Variants in RALGAPB observed in about 807,000 individuals in gnomAD.
RALGAPB encodes the protein Ral GTPase activating protein non-catalytic subunit beta, also known as ral GTPase-activating protein subunit beta.
A neutral mutation model predicts 161.1 loss-of-function variants in RALGAPB; 25 were observed. That is an observed-to-expected ratio of 0.16 (90% CI 0.11 to 0.22). The LOEUF (loss-of-function observed/expected upper bound fraction) is 0.22. Among genes scored for constraint, RALGAPB ranks in the 10% least tolerant of loss-of-function variants. The pLI, the probability that RALGAPB is intolerant of heterozygous loss-of-function variation, is 1.00. For synonymous variants in RALGAPB, 629 were observed against 626.1 expected (o/e 1.00, Z -0.07); for missense variants, 1,391 against 1,815.2 (o/e 0.77, Z 4.25).
intron 28 of RALGAPB, among the ~76,000 whole-genome samples, chr20:38,573,002 A>G (rs1054102586): frequency 1.3e-5 from 2 of 152,160 alleles, no homozygotes; most frequent in South Asian, 4.1e-4. Context: ...GAGACTATAG[A>G]ATAGTCATGA....
At chr20:38,486,508 A>AG (rs1175044216) in intron 1 of RALGAPB, among the ~76,000 whole-genome samples, 4 of 152,178 alleles carry the variant, frequency 2.6e-5, no homozygotes, top group Non-Finnish European at 4.4e-5. Flanking sequence ...CTCAGGCCCC[A>AG]GCTCAGACCT....
intron 13 of RALGAPB, 97 bp downstream of exon 13, chr20:38,526,139 A>G (rs2086460077): frequency 2.3e-6 from 3 of 1,324,290 alleles, no homozygotes; most frequent in African/African-American, 1.5e-5. Flanking sequence ...CCTAAACCTA[A>G]TGTAGCTCTA....
chr20:38,554,160 G>C, intron 22 of RALGAPB, 84 bp downstream of exon 22: 1 of 1,176,196 alleles, frequency 8.5e-7, no homozygotes, highest in Non-Finnish European at 1.2e-6. Context: ...TATCAGGATA[G>C]AAGCGAATTA....
chr20:38,533,609 C>T (rs984987358), intron 15 of RALGAPB, among the ~76,000 whole-genome samples: 11 of 152,022 alleles, frequency 7.2e-5, no homozygotes, highest in Non-Finnish European at 1.6e-4. Flanking sequence ...TGTCATGAGC[C>T]ATGTTCATGA....
rs748404472 is a variant in RALGAPB, at chr20:38,508,855, G to A, written c.741-222G>A. On this transcript the variant is annotated intron_variant, in intron 5 of 29. Coordinates refer to ENST00000262879, the MANE Select transcript of RALGAPB (RefSeq NM_020336.4). ...GTTTTGATATATATATAAAAAATGT[G>A]TAGTGATTGATCAGAGTAATTAGCA... Among the ~76,000 whole-genome samples the A allele has an allele frequency of 3.3e-5, 5 of 152,122 alleles. No individual in the cohort carries two copies. The East Asian group carries it at 5.8e-4, about 18-fold the overall frequency.
intron 1 of RALGAPB, among the ~76,000 whole-genome samples, chr20:38,481,972 C>G (rs573849138): frequency 1.3e-5 from 2 of 151,930 alleles, no homozygotes; most frequent in East Asian, 1.9e-4. Context: ...AGTTGACTCT[C>G]GTACATCATA....
intron 24 of RALGAPB, among the ~76,000 whole-genome samples, chr20:38,563,140 A>C (rs2087848924): frequency 6.6e-6 from 1 of 152,214 alleles, no homozygotes. Context: ...ACTTAGTAAC[A>C]GTTTATATAT....
chr20:38,501,909 A>C (rs920076162), intron 5 of RALGAPB, among the ~76,000 whole-genome samples: 5 of 152,250 alleles, frequency 3.3e-5, no homozygotes, highest in Non-Finnish European at 2.9e-5. Flanking sequence ...TGTCGTAGGC[A>C]TAAAATATAT....
chr20:38,551,163 G>A lies in RALGAPB; in HGVS notation c.3102G>A (p.Lys1034=). ...GGCCATTTCCTGAAGAGGTGGACAA[G>A]ATTCCTTTTGTGAAAGCAGATCTCA... ...KHRPFPEEVD[K]IPFVKADLSI... The change falls in exon 21 of 30, where the codon AAG becomes AAA. Residue 1034 remains lysine, a synonymous_variant. Transcript: ENST00000262879. 5.6e-6 allele frequency: 9 copies of A among 1,613,994 alleles called. No homozygotes were observed. Among genetic ancestry groups the A allele is most frequent in the Non-Finnish European group, 7.6e-6 (9 of 1,179,836 alleles).
chr20:38,542,491 T>TA (rs143850076), intron 18 of RALGAPB, among the ~76,000 whole-genome samples: 10 of 151,234 alleles, frequency 6.6e-5, no homozygotes, highest in Admixed American at 1.3e-4. Context: ...GCTAGAAAAT[T>TA]AAAAAAAAAT....
At chr20:38,565,519 T>C in intron 25 of RALGAPB, 41 bp downstream of exon 25, 1 of 1,602,812 alleles carries the variant, frequency 6.2e-7, no homozygotes, top group Non-Finnish European at 8.5e-7. Flanking sequence ...GGATCTATTT[T>C]TATATTCCTG....
intron 1 of RALGAPB, among the ~76,000 whole-genome samples, chr20:38,480,993 C>T (rs1341506510): frequency 6.6e-6 from 1 of 152,084 alleles, no homozygotes; most frequent in Non-Finnish European, 1.5e-5. Flanking sequence ...ATCTTGGCCT[C>T]CCAAAGTGCT....
At chr20:38,515,962 C>G (rs1283917779) in intron 6 of RALGAPB, among the ~76,000 whole-genome samples, 1 of 152,136 alleles carries the variant, frequency 6.6e-6, no homozygotes, top group African/African-American at 2.4e-5. Flanking sequence ...AAAATTTTTT[C>G]TAGTCTTACT....
At position 38,558,371 on chromosome 20, in the gene RALGAPB, G is replaced by C; in HGVS notation, c.3449G>C (p.Gly1150Ala). The C allele has an allele frequency of 6.2e-7, 1 of 1,607,968 alleles. No individual in the cohort carries two copies. Among genetic ancestry groups the C allele is most frequent in the Non-Finnish European group, 8.5e-7 (1 of 1,176,198 alleles). ...STIPGFFDDI[G>A]YLDLLPCRPF... ...ATACCTGGATTTTTTGATGACATTGGGTATCTGGATCTCTTGCCATGTCGT... is the reference window on the plus strand; with the variant it reads ...ATACCTGGATTTTTTGATGACATTGCGTATCTGGATCTCTTGCCATGTCGT... The change falls in exon 23 of 30, where the codon GGG becomes GCG. Residue 1150 changes from glycine to alanine, a missense_variant. Gly to Ala is a moderately conservative substitution (Grantham distance 60). Transcript: ENST00000262879.
chr20:38,566,496 C>T (rs2088004221), intron 25 of RALGAPB, among the ~76,000 whole-genome samples: 1 of 152,182 alleles, frequency 6.6e-6, no homozygotes, highest in African/African-American at 2.4e-5. Context: ...TCTTTGTCTC[C>T]TGTTGTGAAA....
At chr20:38,573,982 T>C in intron 28 of RALGAPB, 168 bp from the exon 29 acceptor site, 1 of 525,360 alleles carries the variant, frequency 1.9e-6, no homozygotes, top group Non-Finnish European at 3.2e-6. Context: ...CAGCATAGAT[T>C]CCCAGAAAGC....
chr20:38,577,296 A>G lies in RALGAPB; in HGVS notation c.*2329A>G, dbSNP rs1348518260. On this transcript the variant is annotated 3_prime_UTR_variant, in exon 30 of 30. Coordinates refer to ENST00000262879, the MANE Select transcript of RALGAPB (RefSeq NM_020336.4). The stretch of plus-strand genomic sequence containing the variant: ...TACCCACCTGCCTTTGTTAAAAATC[A>G]CTTTGAGTAGAATAGCACTGGAGGA... 1.3e-5 allele frequency: 2 copies of G among 152,214 alleles called. No individual in the cohort carries two copies. Among genetic ancestry groups the G allele is most frequent in the African/African-American group, 4.8e-5 (2 of 41,448 alleles). 9.4% of individuals were successfully genotyped at this position (152,214 alleles called of 1,614,324 possible). A position where few individuals can be genotyped will look rare whatever the true frequency, so the allele number is the denominator to read the frequency against.
At chr20:38,516,977 C>G (rs1022123267) in intron 7 of RALGAPB, among the ~76,000 whole-genome samples, 1 of 152,172 alleles carries the variant, frequency 6.6e-6, no homozygotes, top group African/African-American at 2.4e-5. Flanking sequence ...TTGGCTGCCA[C>G]GTAACAACCA....
At chr20:38,529,638 C>T (rs1248614378) in intron 13 of RALGAPB, among the ~76,000 whole-genome samples, 1 of 151,902 alleles carries the variant, frequency 6.6e-6, no homozygotes, top group African/African-American at 2.4e-5. Context: ...CAAGACCAGC[C>T]TGGCCAAGAT....
Sources: allele counts gnomAD v4.1 joint callset (sites outside exome capture counted in the v4.1 genomes callset), GRCh38; gene constraint gnomAD v4.1.1; transcripts MANE v1.5; gene names NCBI Gene and HGNC (gene_info 2026-07-23, HGNC 2026-07-21).